Variants in CFAP74 observed in about 807,000 individuals in gnomAD.
CFAP74 encodes cilia- and flagella-associated protein 74.
A neutral mutation model predicts 188.9 loss-of-function variants in CFAP74; 124 were observed. That is an observed-to-expected ratio of 0.66 (90% CI 0.57 to 0.76). The LOEUF (loss-of-function observed/expected upper bound fraction) is 0.76. Among genes scored for constraint, CFAP74 ranks in the 30% least tolerant of loss-of-function variants. The pLI is 0.00. For synonymous variants in CFAP74, 956 were observed against 916.7 expected, an observed-to-expected ratio of 1.04 and a Z score of -0.77; for missense variants, 2,198 against 2,165.2, an observed-to-expected ratio of 1.02 and a Z score of -0.30.
rs1162383703 is a variant in CFAP74 at position 1,930,238 on chromosome 1, G to A, written c.3110C>T (p.Ser1037Phe). 1 of 1,535,760 alleles carries A rather than the reference G, an allele frequency of 6.5e-7. No homozygotes were observed. The highest frequency in any genetic ancestry group is 8.7e-7 in the Non-Finnish European group (1 of 1,146,740). Reference protein sequence around the residue: ...KFAATALYDTSVATVYVINSH... With the variant: ...KFAATALYDTFVATVYVINSH... ...GTTGATGACGTACACTGTAGCCACG[G>A]AGGTGTCGTATAGGGCCGTGGCGGC... Residue 1037 changes from serine to phenylalanine, a missense_variant, in exon 26 of 39, where the codon TCC becomes TTC. Physicochemically the swap from Ser to Phe is radical, Grantham distance 155. Transcript: ENST00000682832.
chr1:1,969,799 G>C (rs1380972900), intron 10 of CFAP74, among the ~76,000 whole-genome samples: 1 of 152,066 alleles, frequency 6.6e-6, no homozygotes, highest in Non-Finnish European at 1.5e-5. Context: ...GTGGCACCCA[G>C]AGGAGGATGC....
chr1:1,926,810 G>A (rs779739222), intron 29 of CFAP74, 49 bp from the exon 30 acceptor site: 53 of 1,546,652 alleles, frequency 3.4e-5, no homozygotes, highest in Middle Eastern at 1.7e-4. Context: ...CCCCCTGCCC[G>A]CCCAGGCCCC....
intron 16 of CFAP74, 82 bp downstream of exon 16, chr1:1,959,038 C>G (rs1004059173): frequency 1.0e-6 from 1 of 957,600 alleles, no homozygotes. Context: ...ACCTGCACCC[C>G]CTCCCAGGAG....
rs1014271068 is a variant in CFAP74, at chr1:1,923,168, G to C, written c.4523-23C>G. Reference sequence around the variant, plus strand: ...TGGCTGGAGGGGTGTGGCCAGGGGAGCTGTTCAGGGTCAGGCTGAGGCATG... The same window carrying C: ...TGGCTGGAGGGGTGTGGCCAGGGGACCTGTTCAGGGTCAGGCTGAGGCATG... On this transcript the variant is annotated intron_variant, in intron 36 of 38. Transcript: ENST00000682832. This position sits in a 1 kb window ranked among gnomAD's most constrained non-coding sequence, Gnocchi z 6.3. The C allele has an allele frequency of 1.9e-6, 3 of 1,593,600 alleles. No homozygotes were observed. Among genetic ancestry groups the C allele is most frequent in the Non-Finnish European group, 2.6e-6 (3 of 1,172,138 alleles).
At chr1:2,003,288 AAC>A (rs1261789152) in intron 1 of CFAP74, among the ~76,000 whole-genome samples, 1 of 152,180 alleles carries the variant, frequency 6.6e-6, no homozygotes, top group Non-Finnish European at 1.5e-5. Context: ...CTTTAAGAAA[AAC>A]AAAATACTAG....
At chr1:1,954,925 T>G in intron 18 of CFAP74, 1 of 1,192,262 alleles carries the variant, frequency 8.4e-7, no homozygotes, top group Non-Finnish European at 1.1e-6. Context: ...CAACAGTGTG[T>G]ACCACGAACG....
At chr1:1,967,982 G>A (rs56689575) in intron 11 of CFAP74, among the ~76,000 whole-genome samples, 2,025 of 150,348 alleles carry the variant, frequency 0.013, 45 homozygotes, top group African/African-American at 0.048. Context: ...AATGAGTAAA[G>A]AATGAATGAG....
Position 1,968,822 on chromosome 1 carries a change from T to A in CFAP74, c.1058A>T (p.Glu353Val). 2 of 1,614,036 alleles carry A rather than the reference T, an allele frequency of 1.2e-6. No homozygotes were observed. The highest frequency in any genetic ancestry group is 8.5e-7 in the Non-Finnish European group (1 of 1,179,960). The change falls in exon 11 of 39, where the codon GAG becomes GTG. Residue 353 changes from glutamate (E) to valine (V), a missense_variant. Glu to Val is a moderately radical substitution (Grantham distance 121). Transcript: ENST00000682832. The surrounding 1 kb of genome is among the most constrained non-coding windows in gnomAD (Gnocchi z 4.3). ...CTCCTGCTTTCTGAGCTTCTGCTCC[T>A]CCTCAAAGGCCCTGCGTGGAGTCGC... is the stretch of plus-strand genomic sequence containing the variant. ...ELEAQKRAFE[E>V]EQKLRKQEII...
At chr1:2,000,320 T>C (rs1658145778) in intron 1 of CFAP74, among the ~76,000 whole-genome samples, 1 of 152,156 alleles carries the variant, frequency 6.6e-6, no homozygotes, top group South Asian at 2.1e-4. Context: ...CACTTCACAG[T>C]TAAGGACGTG....
chr1:1,922,185 G>T lies in CFAP74; in HGVS notation c.*102C>A. On this transcript the variant is annotated 3_prime_UTR_variant, in exon 39 of 39. Transcript: ENST00000682832. ...GGGCGGCCTATTGGAATCTGGCAGA[G>T]GATGGCCAGGTCCCAGGCTCTAGGG... The T allele has an allele frequency of 1.3e-6, 1 of 776,058 alleles. No individual in the cohort carries two copies. The highest frequency in any genetic ancestry group is 1.7e-5 in the South Asian group (1 of 59,818). 48.1% of individuals were successfully genotyped at this position (776,058 alleles called of 1,614,324 possible).
At position 1,942,813 on chromosome 1, in the gene CFAP74, C is replaced by T. The variant is rs368232825; in HGVS notation, c.2487-657G>A. Among the ~76,000 whole-genome samples, 33 of 152,286 alleles carry T rather than the reference C, an allele frequency of 2.2e-4. No homozygotes were observed. Among genetic ancestry groups the T allele is most frequent in the Admixed American group, 3.9e-4 (6 of 15,308 alleles). On this transcript the variant is annotated intron_variant, in intron 21 of 38. Coordinates refer to ENST00000682832, the MANE Select transcript of CFAP74 (RefSeq NM_001304360.2). The surrounding 1 kb of genome is among the most constrained non-coding windows in gnomAD (Gnocchi z 4.3). ...AGCCTCTGCTAAACAGTGTTGTGGC[C>T]GCCCCGCCACAGCTGCCCCGGGCAA...
chr1:1,948,309 G>C (rs1421871138), intron 18 of CFAP74, among the ~76,000 whole-genome samples: 1 of 151,986 alleles, frequency 6.6e-6, no homozygotes, highest in Non-Finnish European at 1.5e-5. Context: ...GTCTCACTCT[G>C]TTGCCCAGGC....
intron 14 of CFAP74, among the ~76,000 whole-genome samples, chr1:1,963,508 A>C (rs1242704252): frequency 7.6e-6 from 1 of 132,428 alleles, no homozygotes; most frequent in Middle Eastern, 3.5e-3. Context: ...ACGAAGAAAA[A>C]CAAAAGGAAA....
intron 17 of CFAP74, among the ~76,000 whole-genome samples, chr1:1,956,342 G>A (rs550823485): frequency 1.6e-3 from 249 of 152,248 alleles, no homozygotes; most frequent in African/African-American, 5.8e-3. Context: ...GGTCTCCTGG[G>A]GCCCTCGGGC....
rs779142893 is a variant in CFAP74, at chr1:1,922,972, G to A, written c.4683+13C>T. 7.7e-6 allele frequency: 12 copies of A among 1,567,126 alleles called. No individual in the cohort carries two copies. The highest frequency in any genetic ancestry group is 8.6e-6 in the Non-Finnish European group (10 of 1,159,430). On this transcript the variant is annotated intron_variant, in intron 37 of 38. Coordinates refer to ENST00000682832, the MANE Select transcript of CFAP74 (RefSeq NM_001304360.2). ...GGGCTGCCTGGTGTCCCCAGGGGCA[G>A]TGCTGTGGGCACCTTCTTTGGAGAT...
At position 1,968,645 on chromosome 1, in the gene CFAP74, G is replaced by A. The variant is rs150108692; in HGVS notation, c.1235C>T (p.Thr412Met). The A allele has an allele frequency of 1.2e-4, 201 of 1,609,906 alleles. No homozygotes were observed. The highest frequency in any genetic ancestry group is 3.1e-4 in the East Asian group (14 of 44,614). The stretch of plus-strand genomic sequence containing the variant: ...AGGCGTTTTGCTCACCAGTGTGTAC[G>A]TGTTGGTTGGGACTGTGGTCTTCTT... ...FCKKTTVPTN[T>M]YTLDYEAAAG... The change falls in exon 11 of 39, where the codon ACG becomes ATG. Residue 412 changes from threonine (T) to methionine (M), a missense_variant. Thr to Met is a moderately conservative substitution (Grantham distance 81). Coordinates refer to ENST00000682832, the MANE Select transcript of CFAP74 (RefSeq NM_001304360.2). The surrounding 1 kb of genome is among the most constrained non-coding windows in gnomAD (Gnocchi z 4.3).
chr1:1,953,452 C>G (rs1316142437), intron 18 of CFAP74: 1 of 152,164 alleles, frequency 6.6e-6, no homozygotes, highest in African/African-American at 2.4e-5. Flanking sequence ...CCCGCCACCA[C>G]GCCTGGCTAA....
In CFAP74 at chr1:1,923,991, G is replaced by A. The variant is rs866652780; in HGVS notation, c.4235-62C>T. On this transcript the variant is annotated intron_variant, in intron 34 of 38. Coordinates refer to ENST00000682832, the MANE Select transcript of CFAP74 (RefSeq NM_001304360.2). This position sits in a 1 kb window ranked among gnomAD's most constrained non-coding sequence, Gnocchi z 6.3. Reference sequence around the variant, plus strand: ...CCTGCAATCACTGTCTGCCCTCCAAGCCTTGCTGCATAGAGCTCTACACCC... The same window carrying A: ...CCTGCAATCACTGTCTGCCCTCCAAACCTTGCTGCATAGAGCTCTACACCC... The A allele has an allele frequency of 3.9e-5, 60 of 1,545,322 alleles. 1 individual carries two copies. The Middle Eastern group carries it at 1.5e-3, about 38-fold the overall frequency.
At position 1,970,873 on chromosome 1, in the gene CFAP74, G is replaced by C; in HGVS notation, c.889-57C>G. The C allele has an allele frequency of 1.9e-6, 3 of 1,592,288 alleles. No individual in the cohort carries two copies. The East Asian group carries it at 6.7e-5, about 36-fold the overall frequency. On this transcript the variant is annotated intron_variant, in intron 9 of 38. Coordinates refer to ENST00000682832, the MANE Select transcript of CFAP74 (RefSeq NM_001304360.2). ...GCAGCACCCACGGGCACATGCACAC[G>C]CTCACACCTGCACATGTGCACACAC...
Sources: gnomAD v4.1 joint callset for allele counts (sites outside exome capture counted in the v4.1 genomes callset) on GRCh38, gnomAD v4.1.1 for gene constraint, Gnocchi (gnomAD v3.1) non-coding constraint, MANE v1.5 for transcripts, NCBI Gene and HGNC (gene_info 2026-07-23, HGNC 2026-07-21) for gene names.